FBXO8: variants seen among roughly 807,000 people sequenced by gnomAD.
FBXO8 encodes F-box protein 8.
Under a neutral mutation model 33.4 loss-of-function variants are expected in FBXO8, and 15 were observed. The observed-to-expected ratio is 0.45, with a 90% confidence interval of 0.30 to 0.69. FBXO8 has a LOEUF of 0.69. Ranked by LOEUF, FBXO8 falls within the 30% of genes least tolerant of loss-of-function variation. The probability of loss-of-function intolerance (pLI) is 0.08; values close to 1 mark genes in which losing one functional copy is unlikely to be tolerated. For missense variants in FBXO8, 274 were observed against 380.3 expected, an observed-to-expected ratio of 0.72 and a Z score of 2.32; for synonymous variants, 132 against 131.5, an observed-to-expected ratio of 1.00 and a Z score of -0.02.
In FBXO8 at chr4:174,237,313, C is replaced by T; in HGVS notation, c.*99G>A. 4.3e-6 allele frequency: 4 copies of T among 932,632 alleles called. No individual in the cohort carries two copies. The highest frequency in any genetic ancestry group is 6.4e-6 in the Non-Finnish European group (4 of 629,634). 57.8% of individuals were successfully genotyped at this position (932,632 alleles called of 1,614,324 possible). ...GCACACTGAAGCTTGATTGTATACTCAGGCTACAATGACCAGCACTGATGT... is the reference window on the plus strand; with the variant it reads ...GCACACTGAAGCTTGATTGTATACTTAGGCTACAATGACCAGCACTGATGT... On this transcript the variant is annotated 3_prime_UTR_variant, in exon 6 of 6. Coordinates refer to ENST00000393674, the MANE Select transcript of FBXO8 (RefSeq NM_012180.3). The surrounding 1 kb of genome is among the most constrained non-coding windows in gnomAD (Gnocchi z 4.4).
chr4:174,249,408 T>C (rs1407998276), intron 3 of FBXO8, among the ~76,000 whole-genome samples: 1 of 152,016 alleles, frequency 6.6e-6, no homozygotes, highest in Non-Finnish European at 1.5e-5. Context: ...CATTTAACAA[T>C]GATGCTAGCT....
rs1287596943 is a variant in FBXO8, at chr4:174,241,224, G to A, written c.457-6C>T. The A allele has an allele frequency of 1.8e-5, 27 of 1,530,990 alleles. No individual in the cohort carries two copies. Among genetic ancestry groups the A allele is most frequent in the Non-Finnish European group, 2.4e-5 (27 of 1,115,596 alleles). 94.8% of individuals were successfully genotyped at this position (1,530,990 alleles called of 1,614,324 possible). On this transcript the variant is annotated splice_polypyrimidine_tract_variant and splice_region_variant and intron_variant, in intron 3 of 5. Transcript: ENST00000393674. The surrounding 1 kb of genome is among the most constrained non-coding windows in gnomAD (Gnocchi z 4.2). ...GACATAAAGTAGTTCACTCCCTAAG[G>A]CAGAAAGACAAGTCTACATAAATAA...
rs1399745682 is a variant in FBXO8 at position 174,262,633 on chromosome 4, T to G, written c.329+131A>C. On this transcript the variant is annotated intron_variant, in intron 2 of 5. Coordinates refer to ENST00000393674, the MANE Select transcript of FBXO8 (RefSeq NM_012180.3). This position sits in a 1 kb window ranked among gnomAD's most constrained non-coding sequence, Gnocchi z 4.6. ...TGCTAACTGTATATTTTTCCAGGTT[T>G]TAATAAAGAGCATCTCAAAGTACAA... The G allele has an allele frequency of 1.4e-6, 1 of 728,512 alleles. No individual in the cohort carries two copies. The highest frequency in any genetic ancestry group is 2.2e-6 in the Non-Finnish European group (1 of 452,254). 45.1% of individuals were successfully genotyped at this position (728,512 alleles called of 1,614,324 possible).
Position 174,259,637 on chromosome 4 carries a change from G to A in FBXO8, c.456+62C>T. 6.4e-7 allele frequency: 1 copy of A among 1,556,378 alleles called. No homozygotes were observed. ...TTTTCCCTGCTAGTTTATGATATTG[G>A]AAAGCTGCAGCAAGATAGTAATAAA... is the stretch of plus-strand genomic sequence containing the variant. On this transcript the variant is annotated intron_variant, in intron 3 of 5. Coordinates refer to ENST00000393674, the MANE Select transcript of FBXO8 (RefSeq NM_012180.3). The surrounding 1 kb of genome is among the most constrained non-coding windows in gnomAD (Gnocchi z 4.3).
At chr4:174,279,415 A>G (rs1187097052) in intron 1 of FBXO8, among the ~76,000 whole-genome samples, 3 of 152,106 alleles carry the variant, frequency 2.0e-5, no homozygotes, top group Admixed American at 2.0e-4. Context: ...AGACTTATTA[A>G]GATGGCAATA....
In FBXO8 at chr4:174,263,003, G is replaced by A. The variant is rs766309904; in HGVS notation, c.90C>T (p.Ser30=). Residue 30 remains serine, a synonymous_variant, in exon 2 of 6, where the codon AGC becomes AGT. Coordinates refer to ENST00000393674, the MANE Select transcript of FBXO8 (RefSeq NM_012180.3). This position sits in a 1 kb window ranked among gnomAD's most constrained non-coding sequence, Gnocchi z 4.2. Reference sequence around the variant, plus strand: ...AAATGTTGCTCGCAGCCATTCTCCTGCTCTGCTCTCTGGTGAGGTAGCCTT... The same window carrying A: ...AAATGTTGCTCGCAGCCATTCTCCTACTCTGCTCTCTGGTGAGGTAGCCTT... ...SEQGYLTREQ[S]RRMAASNISN... The A allele has an allele frequency of 6.2e-7, 1 of 1,614,002 alleles. No homozygotes were observed. The highest frequency in any genetic ancestry group is 8.5e-7 in the Non-Finnish European group (1 of 1,179,922).
rs1329698276 is a variant in FBXO8, at chr4:174,259,295, A to G, written c.456+404T>C. Among the ~76,000 whole-genome samples, 1 of 152,104 alleles carries G rather than the reference A, an allele frequency of 6.6e-6. No homozygotes were observed. Among genetic ancestry groups the G allele is most frequent in the Non-Finnish European group, 1.5e-5 (1 of 67,954 alleles). ...GTCAGAAAATAGAACAATGTCCTCA[A>G]TGATTATCTTTGATAAAAGTAACAT... On this transcript the variant is annotated intron_variant, in intron 3 of 5. Coordinates refer to ENST00000393674, the MANE Select transcript of FBXO8 (RefSeq NM_012180.3). This position sits in a 1 kb window ranked among gnomAD's most constrained non-coding sequence, Gnocchi z 4.3.
chr4:174,264,753 T>G (rs987431038), intron 1 of FBXO8, among the ~76,000 whole-genome samples: 1 of 151,552 alleles, frequency 6.6e-6, no homozygotes, highest in African/African-American at 2.4e-5. Flanking sequence ...CACCATGGTA[T>G]TTTTTCCTAA....
At position 174,267,490 on chromosome 4, in the gene FBXO8, T is replaced by G. The variant is rs1469083007; in HGVS notation, c.-8-4390A>C. Among the ~76,000 whole-genome samples, 1 of 152,160 alleles carries G rather than the reference T, an allele frequency of 6.6e-6. No individual in the cohort carries two copies. The highest frequency in any genetic ancestry group is 6.5e-5 in the Admixed American group (1 of 15,270). ...TGAGCTCAGGAGTTTGAGGTTATAGTGAGCTATGATCACACCACTGCACTC... is the reference window on the plus strand; with the variant it reads ...TGAGCTCAGGAGTTTGAGGTTATAGGGAGCTATGATCACACCACTGCACTC... On this transcript the variant is annotated intron_variant, in intron 1 of 5. Coordinates refer to ENST00000393674, the MANE Select transcript of FBXO8 (RefSeq NM_012180.3). This position sits in a 1 kb window ranked among gnomAD's most constrained non-coding sequence, Gnocchi z 4.7.
chr4:174,244,142 G>A (rs1284982979), intron 3 of FBXO8, among the ~76,000 whole-genome samples: 1 of 151,356 alleles, frequency 6.6e-6, no homozygotes, highest in African/African-American at 2.4e-5. Flanking sequence ...AAGATATTAA[G>A]CTCTTTTGGG....
chr4:174,269,408 A>C (rs1736779437), intron 1 of FBXO8, among the ~76,000 whole-genome samples: 1 of 152,142 alleles, frequency 6.6e-6, no homozygotes, highest in Non-Finnish European at 1.5e-5. Flanking sequence ...AAATGCGGCC[A>C]GGAGTGGTGG....
intron 3 of FBXO8, among the ~76,000 whole-genome samples, chr4:174,243,236 T>C (rs1736082254): frequency 6.6e-6 from 1 of 151,324 alleles, no homozygotes; most frequent in Non-Finnish European, 1.5e-5. Context: ...ATCAATCAAA[T>C]ACATAGAAGC....
In FBXO8 at chr4:174,254,979, C is replaced by T. The variant is rs868577561; in HGVS notation, c.456+4720G>A. Among the ~76,000 whole-genome samples, 1 of 152,118 alleles carries T rather than the reference C, an allele frequency of 6.6e-6. No individual in the cohort carries two copies. The highest frequency in any genetic ancestry group is 2.4e-5 in the African/African-American group (1 of 41,440). On this transcript the variant is annotated intron_variant, in intron 3 of 5. Transcript: ENST00000393674. This position sits in a 1 kb window ranked among gnomAD's most constrained non-coding sequence, Gnocchi z 4.2. ...TTCCTCCTCCCAAAAAAGAACACCACGTCAAACAAAATTAGATATATATTG... is the reference window on the plus strand; with the variant it reads ...TTCCTCCTCCCAAAAAAGAACACCATGTCAAACAAAATTAGATATATATTG...
chr4:174,255,819 T>C lies in FBXO8; in HGVS notation c.456+3880A>G, dbSNP rs1736402216. On this transcript the variant is annotated intron_variant, in intron 3 of 5. Transcript: ENST00000393674. The surrounding 1 kb of genome is among the most constrained non-coding windows in gnomAD (Gnocchi z 4.3). ...GTTAAATAAAATTACTTCATTATAC[T>C]ACTGCTAGTGGAATAAAATTGACAC... 6.6e-6 allele frequency among the ~76,000 whole-genome samples: 1 copy of C among 152,194 alleles called. No homozygotes were observed. Among genetic ancestry groups the C allele is most frequent in the South Asian group, 2.1e-4 (1 of 4,832 alleles).
At chr4:174,243,096 G>A (rs1004992587) in intron 3 of FBXO8, among the ~76,000 whole-genome samples, 2 of 151,294 alleles carry the variant, frequency 1.3e-5, no homozygotes, top group Non-Finnish European at 3.0e-5. Context: ...ATATCATTTG[G>A]TGATAGTTAT....
Position 174,254,140 on chromosome 4 carries a change from T to C in FBXO8, c.456+5559A>G, listed in dbSNP as rs1169134191. On this transcript the variant is annotated intron_variant, in intron 3 of 5. Transcript: ENST00000393674. The surrounding 1 kb of genome is among the most constrained non-coding windows in gnomAD (Gnocchi z 4.2). ...GCCAGTCATAAAATGTGGAACATGC[T>C]GAGTCGAGCAGCATAATGAAGGGTG... Among the ~76,000 whole-genome samples, 1 of 152,216 alleles carries C rather than the reference T, an allele frequency of 6.6e-6. No homozygotes were observed. Among genetic ancestry groups the C allele is most frequent in the Admixed American group, 6.5e-5 (1 of 15,274 alleles).
In FBXO8 at chr4:174,263,135, T is replaced by C. The variant is rs1205878287; in HGVS notation, c.-8-35A>G. The C allele has an allele frequency of 1.6e-5, 25 of 1,566,884 alleles. No individual in the cohort carries two copies. Among genetic ancestry groups the C allele is most frequent in the Non-Finnish European group, 2.1e-5 (24 of 1,149,412 alleles). ...AGCCAGAATGTAATAAGGGTGACAT[T>C]TAAAAAGTAACCCATTTTTCCCAGT... On this transcript the variant is annotated intron_variant, in intron 1 of 5. Coordinates refer to ENST00000393674, the MANE Select transcript of FBXO8 (RefSeq NM_012180.3). The surrounding 1 kb of genome is among the most constrained non-coding windows in gnomAD (Gnocchi z 4.2).
In FBXO8 at chr4:174,253,713, G is replaced by A. The variant is rs929727845; in HGVS notation, c.456+5986C>T. Among the ~76,000 whole-genome samples the A allele has an allele frequency of 6.6e-6, 1 of 152,096 alleles. No homozygotes were observed. Among genetic ancestry groups the A allele is most frequent in the Non-Finnish European group, 1.5e-5 (1 of 68,022 alleles). On this transcript the variant is annotated intron_variant, in intron 3 of 5. Coordinates refer to ENST00000393674, the MANE Select transcript of FBXO8 (RefSeq NM_012180.3). This position sits in a 1 kb window ranked among gnomAD's most constrained non-coding sequence, Gnocchi z 4.5. ...ATCATGTAATCTTTCTATTCTATTC[G>A]CTAGTGCTCTAGGGGTGCTCGTGTG...
intron 2 of FBXO8, among the ~76,000 whole-genome samples, chr4:174,260,060 A>T (rs1736514740): frequency 6.6e-6 from 1 of 152,062 alleles, no homozygotes; most frequent in South Asian, 2.1e-4. Flanking sequence ...GATTAATAAT[A>T]TTCATGAGTA....
Sources: gnomAD v4.1 joint callset for allele counts (sites outside exome capture counted in the v4.1 genomes callset) on GRCh38, gnomAD v4.1.1 for gene constraint, Gnocchi (gnomAD v3.1) non-coding constraint, MANE v1.5 for transcripts, NCBI Gene and HGNC (gene_info 2026-07-23, HGNC 2026-07-21) for gene names.